The following GRIP1 variants were observed in gnomAD, a reference collection of about 807,000 sequenced individuals.
GRIP1 encodes glutamate receptor interacting protein 1, also known as glutamate receptor-interacting protein 1.
GRIP1 carries 45 observed loss-of-function variants against 129.9 expected under a neutral mutation model. That is an observed-to-expected ratio of 0.35 (90% CI 0.27 to 0.44). The LOEUF is 0.44. Ranked by LOEUF, GRIP1 falls within the 20% of genes least tolerant of loss-of-function variation. GRIP1 has a pLI of 1.00. For missense variants in GRIP1, 1,196 were observed against 1,396.8 expected (o/e 0.86, Z 2.29); for synonymous variants, 530 against 520.8 (o/e 1.02, Z -0.24).
intron 1 of GRIP1, among the ~76,000 whole-genome samples, chr12:66,760,765 T>C (rs751386513): frequency 2.4e-4 from 37 of 151,996 alleles, no homozygotes; most frequent in Non-Finnish European, 5.0e-4. Flanking sequence ...ACAATGAAGA[T>C]TACGGAATAT....
intron 7 of GRIP1, among the ~76,000 whole-genome samples, chr12:66,479,234 G>T (rs1490174522): frequency 6.6e-6 from 1 of 151,742 alleles, no homozygotes; most frequent in Non-Finnish European, 1.5e-5. Flanking sequence ...TGATAAAGGG[G>T]ATATCACCAC....
chr12:66,798,479 T>C (rs968648035), intron 1 of GRIP1, among the ~76,000 whole-genome samples: 2 of 152,162 alleles, frequency 1.3e-5, no homozygotes, highest in African/African-American at 4.8e-5. Flanking sequence ...AAAGGAGGCA[T>C]AGGTTTATTC....
At chr12:66,388,725 C>A (rs1043285931) in intron 19 of GRIP1, among the ~76,000 whole-genome samples, 2 of 152,202 alleles carry the variant, frequency 1.3e-5, no homozygotes, top group East Asian at 1.9e-4. Flanking sequence ...TAAACATATC[C>A]CTTCTTTCCC....
chr12:66,541,271 ACCT>A (rs2061772443), intron 3 of GRIP1, among the ~76,000 whole-genome samples: 1 of 152,128 alleles, frequency 6.6e-6, no homozygotes, highest in Admixed American at 6.6e-5. Context: ...GACAGGTGAG[ACCT>A]CCTCCTCTAA....
intron 1 of GRIP1, among the ~76,000 whole-genome samples, chr12:66,766,285 T>A (rs907854014): frequency 2.0e-5 from 3 of 152,214 alleles, no homozygotes; most frequent in Admixed American, 1.3e-4. Flanking sequence ...TTTCCAGGAC[T>A]GGCCTCCATT....
intron 1 of GRIP1, among the ~76,000 whole-genome samples, chr12:66,844,750 A>T (rs1211908943): frequency 6.6e-6 from 1 of 152,252 alleles, no homozygotes; most frequent in African/African-American, 2.4e-5. Flanking sequence ...GTACATAGAT[A>T]CTTAGATATG....
At chr12:66,424,045 G>T (rs112500128) in intron 14 of GRIP1, among the ~76,000 whole-genome samples, 13 of 151,892 alleles carry the variant, frequency 8.6e-5, no homozygotes, top group Non-Finnish European at 1.8e-4. Context: ...ATTCAAACTC[G>T]TCACTTGTAT....
intron 1 of GRIP1, among the ~76,000 whole-genome samples, chr12:66,629,567 T>C (rs1387151835): frequency 6.6e-6 from 1 of 152,220 alleles, no homozygotes; most frequent in Admixed American, 6.5e-5. Context: ...CATTCAAATG[T>C]AATTTTTCCA....
At chr12:66,729,352 T>G (rs996838374) in intron 1 of GRIP1, among the ~76,000 whole-genome samples, 2 of 152,226 alleles carry the variant, frequency 1.3e-5, no homozygotes, top group Non-Finnish European at 2.9e-5. Flanking sequence ...AATATGTGAC[T>G]TATTTGTAAT....
intron 1 of GRIP1, among the ~76,000 whole-genome samples, chr12:66,718,668 T>G (rs1037764068): frequency 6.6e-6 from 1 of 151,946 alleles, no homozygotes; most frequent in Non-Finnish European, 1.5e-5. Context: ...CTAACCAACA[T>G]AGTGAAACCC....
At chr12:66,506,458 CATTTAT>C (rs1322179562) in intron 7 of GRIP1, among the ~76,000 whole-genome samples, 1 of 152,104 alleles carries the variant, frequency 6.6e-6, no homozygotes, top group Non-Finnish European at 1.5e-5. Flanking sequence ...TGTATGATTT[CATTTAT>C]ATAAAGTTTA....
chr12:66,744,663 A>G (rs2036890319), intron 1 of GRIP1, among the ~76,000 whole-genome samples: 1 of 152,126 alleles, frequency 6.6e-6, no homozygotes, highest in East Asian at 1.9e-4. Flanking sequence ...CCATCAGCCC[A>G]TATATCTCCT....
chr12:66,388,283 T>G (rs1474857131), intron 19 of GRIP1, among the ~76,000 whole-genome samples: 1 of 151,910 alleles, frequency 6.6e-6, no homozygotes, highest in East Asian at 1.9e-4. Flanking sequence ...AGATTAATTA[T>G]ATAAAATACA....
intron 2 of GRIP1, among the ~76,000 whole-genome samples, chr12:66,577,102 C>T (rs535876884): frequency 7.2e-5 from 11 of 152,266 alleles, no homozygotes; most frequent in African/African-American, 2.4e-4. Context: ...ATATGGAAAA[C>T]ATGTTCTATA....
chr12:66,754,365 C>T (rs563412583), intron 1 of GRIP1, among the ~76,000 whole-genome samples: 1 of 152,176 alleles, frequency 6.6e-6, no homozygotes, highest in Non-Finnish European at 1.5e-5. Flanking sequence ...GTCTTATGTG[C>T]CCACTTCCCT....
intron 1 of GRIP1, among the ~76,000 whole-genome samples, chr12:66,666,565 C>G (rs150114669): frequency 1.9e-4 from 29 of 152,124 alleles, no homozygotes; most frequent in African/African-American, 6.7e-4. Context: ...CTTCATCAGG[C>G]CTTCTGCCTT....
At chr12:66,693,004 C>T (rs924303647) in intron 1 of GRIP1, among the ~76,000 whole-genome samples, 4 of 152,074 alleles carry the variant, frequency 2.6e-5, no homozygotes, top group African/African-American at 9.7e-5. Flanking sequence ...GAGAATGTTA[C>T]AGGAGTTATG....
At chr12:67,029,578 C>CAA (rs10563216) in intron 1 of GRIP1, among the ~76,000 whole-genome samples, 51 of 88,470 alleles carry the variant, frequency 5.8e-4, no homozygotes, top group African/African-American at 1.8e-3. Flanking sequence ...GACCCTGACT[C>CAA]AAAAAAAAAA....
At chr12:66,992,075 G>T (rs1340654477) in intron 1 of GRIP1, among the ~76,000 whole-genome samples, 1 of 152,202 alleles carries the variant, frequency 6.6e-6, no homozygotes, top group Admixed American at 6.5e-5. Flanking sequence ...AATAGGCATA[G>T]ATTGCACTCT....
Sources: gnomAD v4.1 joint callset for allele counts (sites outside exome capture counted in the v4.1 genomes callset) on GRCh38, gnomAD v4.1.1 for gene constraint, MANE v1.5 for transcripts, NCBI Gene and HGNC (gene_info 2026-07-23, HGNC 2026-07-21) for gene names.